XCR1: variants seen among roughly 807,000 people sequenced by gnomAD.
The protein encoded by XCR1 is chemokine XC receptor 1.
For synonymous variants in XCR1, 187 were observed against 188.5 expected, an observed-to-expected ratio of 0.99 and a Z score of 0.06; for missense variants, 356 against 424.2, an observed-to-expected ratio of 0.84 and a Z score of 1.41.
At chr3:46,057,886 A>ATCTG (rs1697880885) in intron 4 of XCR1, among the ~76,000 whole-genome samples, 1 of 48,162 alleles carries the variant, frequency 2.1e-5, no homozygotes, top group Non-Finnish European at 4.6e-5. Flanking sequence ...CTGTCTGTCT[A>ATCTG]TCTATCTATC....
intron 4 of XCR1, among the ~76,000 whole-genome samples, chr3:46,066,027 A>C (rs529540174): frequency 6.6e-6 from 1 of 152,278 alleles, no homozygotes; most frequent in Admixed American, 6.5e-5. Context: ...GCTCAAGCAC[A>C]TAAGGGTGGG....
chr3:46,062,453 T>C (rs1315400897), intron 4 of XCR1, among the ~76,000 whole-genome samples: 3 of 152,238 alleles, frequency 2.0e-5, no homozygotes, highest in African/African-American at 7.2e-5. Context: ...GGTCTCCCCA[T>C]TGGCCTTGCC....
chr3:46,073,422 C>T (rs1469859780), intron 3 of XCR1, among the ~76,000 whole-genome samples: 1 of 151,954 alleles, frequency 6.6e-6, no homozygotes, highest in Non-Finnish European at 1.5e-5. Flanking sequence ...TGGCAAAATC[C>T]CATCTCTACT....
chr3:46,084,963 T>C (rs1277694356), intron 1 of XCR1, among the ~76,000 whole-genome samples: 2 of 152,144 alleles, frequency 1.3e-5, no homozygotes, highest in African/African-American at 4.8e-5. Flanking sequence ...GTTGGATTTT[T>C]TTTTTAAAGC....
In XCR1 at chr3:46,021,074, C is replaced by T; in HGVS notation, c.874G>A (p.Val292Ile). ...FNPVLYVFVG[V>I]KFRTHLKHVL... ...TGTTTCAGGTGTGTGCGGAACTTGA[C>T]CCCCACGAAGACATAGAGCACCGGG... The change falls in exon 2 of 2, where the codon GTC becomes ATC. Residue 292 changes from valine (V) to isoleucine (I), a missense_variant. Coordinates refer to ENST00000309285, the MANE Select transcript of XCR1 (RefSeq NM_001024644.2). The surrounding 1 kb of genome is among the most constrained non-coding windows in gnomAD (Gnocchi z 4.7). 6.2e-7 allele frequency: 1 copy of T among 1,614,144 alleles called. No individual in the cohort carries two copies. Among genetic ancestry groups the T allele is most frequent in the Non-Finnish European group, 8.5e-7 (1 of 1,180,010 alleles).
intron 5 of XCR1, among the ~76,000 whole-genome samples, chr3:46,043,308 T>G (rs1193280950): frequency 2.6e-5 from 4 of 151,536 alleles, no homozygotes; most frequent in Non-Finnish European, 5.9e-5. Context: ...AACACGGTGG[T>G]CTATATCCTA....
At chr3:46,043,250 G>A (rs34155121) in intron 5 of XCR1, among the ~76,000 whole-genome samples, 33,678 of 151,890 alleles carry the variant, frequency 0.22, 5,122 homozygotes, top group African/African-American at 0.42. Context: ...AGACCAGCCT[G>A]GCCAACATGG....
At chr3:46,022,308 A>C in intron 1 of XCR1, 1 of 179,894 alleles carries the variant, frequency 5.6e-6, no homozygotes, top group Non-Finnish European at 1.2e-5. Flanking sequence ...ATGTTTCAAA[A>C]ACAAACAAAA....
At chr3:46,042,181 G>T (rs1271940330) in intron 5 of XCR1, among the ~76,000 whole-genome samples, 1 of 152,158 alleles carries the variant, frequency 6.6e-6, no homozygotes, top group Non-Finnish European at 1.5e-5. Flanking sequence ...GCAGTGCTCA[G>T]AGGGAAATTT....
At chr3:46,043,333 C>T (rs1276190845) in intron 5 of XCR1, among the ~76,000 whole-genome samples, 1 of 151,852 alleles carries the variant, frequency 6.6e-6, no homozygotes, top group Admixed American at 6.6e-5. Context: ...CCCAGCTACT[C>T]GGCAGGCTGA....
At chr3:46,041,830 T>C (rs780532694) in intron 5 of XCR1, among the ~76,000 whole-genome samples, 1 of 152,216 alleles carries the variant, frequency 6.6e-6, no homozygotes, top group Non-Finnish European at 1.5e-5. Context: ...TTTATCATAC[T>C]TGCTTCCTTG....
intron 4 of XCR1, among the ~76,000 whole-genome samples, chr3:46,054,081 G>C (rs374915044): frequency 2.6e-5 from 4 of 152,168 alleles, no homozygotes; most frequent in South Asian, 4.1e-4. Context: ...CTGAACAAAG[G>C]GGGGCAAACG....
chr3:46,035,874 T>C (rs1437920345), intron 5 of XCR1, among the ~76,000 whole-genome samples: 1 of 152,020 alleles, frequency 6.6e-6, no homozygotes, highest in Non-Finnish European at 1.5e-5. Flanking sequence ...AGTGAGTGTC[T>C]TTTGTGGGTA....
chr3:46,025,519 G>A (rs1266953791), intron 1 of XCR1, among the ~76,000 whole-genome samples: 1 of 152,070 alleles, frequency 6.6e-6, no homozygotes, highest in Non-Finnish European at 1.5e-5. Flanking sequence ...GACTTTACAA[G>A]AATAACAAAT....
intron 3 of XCR1, among the ~76,000 whole-genome samples, chr3:46,068,589 T>C (rs1698115001): frequency 6.6e-6 from 1 of 152,194 alleles, no homozygotes; most frequent in South Asian, 2.1e-4. Flanking sequence ...AAATATTGTC[T>C]CTGATATTTC....
At chr3:46,037,106 G>C (rs1055069242) in intron 5 of XCR1, among the ~76,000 whole-genome samples, 2 of 152,082 alleles carry the variant, frequency 1.3e-5, no homozygotes, top group East Asian at 3.8e-4. Flanking sequence ...CTAATATCTG[G>C]TAGGCAGTTG....
chr3:46,054,183 C>A (rs1250495913), intron 4 of XCR1, among the ~76,000 whole-genome samples: 1 of 152,260 alleles, frequency 6.6e-6, no homozygotes, highest in East Asian at 1.9e-4. Flanking sequence ...GAGCTTTACA[C>A]AGCCCTCCAT....
chr3:46,066,378 G>A (rs557131514), intron 4 of XCR1, among the ~76,000 whole-genome samples: 3 of 152,316 alleles, frequency 2.0e-5, no homozygotes, highest in Admixed American at 1.3e-4. Flanking sequence ...CTGAGTAGCT[G>A]AGACTACAGG....
chr3:46,082,473 CTCCTTTTTTTTTTTTTTTTTTTTT>C (rs1698387156), intron 1 of XCR1, among the ~76,000 whole-genome samples: 1 of 130,314 alleles, frequency 7.7e-6, no homozygotes, highest in Admixed American at 8.4e-5. Flanking sequence ...TATAATCAGG[CTCCTTTTTTTTTTTTTTTTTTTTT>C]TCCTTTTTTT....
Sources: gnomAD v4.1 joint callset for allele counts (sites outside exome capture counted in the v4.1 genomes callset) on GRCh38, gnomAD v4.1.1 for gene constraint, Gnocchi (gnomAD v3.1) non-coding constraint, MANE v1.5 for transcripts, NCBI Gene and HGNC (gene_info 2026-07-23, HGNC 2026-07-21) for gene names.